Variants in TBX21 observed in about 807,000 individuals in gnomAD.
The protein encoded by TBX21 is T-box transcription factor TBX21.
TBX21 carries 11 observed loss-of-function variants against 52.2 expected under a neutral mutation model. That is an observed-to-expected ratio of 0.21 (90% CI 0.13 to 0.35). The LOEUF (loss-of-function observed/expected upper bound fraction) is 0.35, where lower values mean the gene tolerates loss of function less well. Among genes scored for constraint, TBX21 ranks in the 10% least tolerant of loss-of-function variants. TBX21 has a pLI of 1.00. For missense variants in TBX21, 625 were observed against 755.1 expected (o/e 0.83, Z 2.02); for synonymous variants, 300 against 316.1 (o/e 0.95, Z 0.54).
intron 1 of TBX21, among the ~76,000 whole-genome samples, chr17:47,737,568 A>G (rs544791515): frequency 6.6e-6 from 1 of 151,424 alleles, no homozygotes; most frequent in Non-Finnish European, 1.5e-5. Context: ...AATATTTTTC[A>G]TGGGCCAGGA....
intron 3 of TBX21, 91 bp downstream of exon 3, chr17:47,743,283 T>G (rs1167089186): frequency 2.0e-6 from 3 of 1,519,798 alleles, no homozygotes; most frequent in Non-Finnish European, 2.7e-6. Context: ...GGGGCCAGTT[T>G]GGTTCATTTT....
Position 47,733,632 on chromosome 17 carries a change from G to C in TBX21, c.178G>C (p.Gly60Arg), listed in dbSNP as rs2032167502. ...CGGCAGCCTGGGGTCTCCCTACCCGGGGGGCGCCTTGGTGCCCGCCCCGCC... is the reference window on the plus strand; with the variant it reads ...CGGCAGCCTGGGGTCTCCCTACCCGCGGGGCGCCTTGGTGCCCGCCCCGCC... ...GGGSLGSPYP[G>R]GALVPAPPSR... The change falls in exon 1 of 6, where the codon GGG becomes CGG. Residue 60 changes from glycine (G) to arginine (R), a missense_variant. By Grantham distance (125) the Gly-to-Arg change is moderately radical (BLOSUM62 -2). This residue lies in a region of TBX21 where 221 missense variants were observed against 204.9 expected (regional missense o/e 1.08). Coordinates refer to ENST00000177694, the MANE Select transcript of TBX21 (RefSeq NM_013351.2). This position sits in a 1 kb window ranked among gnomAD's most constrained non-coding sequence, Gnocchi z 6.6. 1 of 1,450,298 alleles carries C rather than the reference G, an allele frequency of 6.9e-7. No homozygotes were observed. Among genetic ancestry groups the C allele is most frequent in the Non-Finnish European group, 9.0e-7 (1 of 1,106,774 alleles). 89.8% of individuals were successfully genotyped at this position (1,450,298 alleles called of 1,614,324 possible).
intron 1 of TBX21, among the ~76,000 whole-genome samples, chr17:47,739,340 G>A (rs1219012715): frequency 6.6e-6 from 1 of 152,164 alleles, no homozygotes; most frequent in East Asian, 1.9e-4. Flanking sequence ...AACAGGATGA[G>A]CTGGGCATGG....
intron 1 of TBX21, among the ~76,000 whole-genome samples, chr17:47,736,145 T>TACATACAC (rs1343206901): frequency 6.8e-6 from 1 of 147,518 alleles, no homozygotes; most frequent in Non-Finnish European, 1.5e-5. Flanking sequence ...CTTGACAAGT[T>TACATACAC]TTTTTGTCCC....
At chr17:47,736,042 G>T (rs1264001088) in intron 1 of TBX21, among the ~76,000 whole-genome samples, 1 of 152,328 alleles carries the variant, frequency 6.6e-6, no homozygotes, top group East Asian at 1.9e-4. Context: ...GAGCACTTCA[G>T]GGAGGCACTT....
intron 1 of TBX21, among the ~76,000 whole-genome samples, chr17:47,736,036 A>G (rs2032203460): frequency 6.6e-6 from 1 of 152,158 alleles, no homozygotes. Flanking sequence ...GCTGTAGAGC[A>G]CTTCAGGGAG....
chr17:47,735,771 G>T (rs902504561), intron 1 of TBX21, among the ~76,000 whole-genome samples: 1 of 152,228 alleles, frequency 6.6e-6, no homozygotes, highest in African/African-American at 2.4e-5. Context: ...TCACTGAGTT[G>T]CAGGGTCAGC....
At chr17:47,734,577 GTGT>G (rs2032183193) in intron 1 of TBX21, among the ~76,000 whole-genome samples, 4 of 130,170 alleles carry the variant, frequency 3.1e-5, no homozygotes, top group Non-Finnish European at 6.6e-5. Flanking sequence ...GTGTGTGTGT[GTGT>G]GTGTGTGTGT....
chr17:47,744,376 TGG>T, intron 4 of TBX21, 23 bp downstream of exon 4: 1 of 1,613,962 alleles, frequency 6.2e-7, no homozygotes. Context: ...TGAGCCCCGG[TGG>T]GGAGGAGGGC....
In TBX21 at chr17:47,733,960, C is replaced by G. The variant is rs1260042416; in HGVS notation, c.491+15C>G. On this transcript the variant is annotated intron_variant, in intron 1 of 5. Transcript: ENST00000177694. The surrounding 1 kb of genome is among the most constrained non-coding windows in gnomAD (Gnocchi z 6.6). ...AAGCAGGGACGGTGAGTGCGGCGCG[C>G]CGGCCCTTGGGGCCTCTGTGCCCGC... 6.8e-6 allele frequency: 11 copies of G among 1,612,764 alleles called. No homozygotes were observed. The highest frequency in any genetic ancestry group is 8.5e-6 in the Non-Finnish European group (10 of 1,179,476).
At position 47,733,426 on chromosome 17, in the gene TBX21, G is replaced by A. The variant is rs1021638832; in HGVS notation, c.-29G>A. 6.8e-7 allele frequency: 1 copy of A among 1,463,496 alleles called. No homozygotes were observed. 90.7% of individuals were successfully genotyped at this position (1,463,496 alleles called of 1,614,324 possible). A position where few individuals can be genotyped will look rare whatever the true frequency, so the allele number is the denominator to read the frequency against. On this transcript the variant is annotated 5_prime_UTR_variant, in exon 1 of 6. Transcript: ENST00000177694. This position sits in a 1 kb window ranked among gnomAD's most constrained non-coding sequence, Gnocchi z 6.6. ...GCGCGCGGAGGGGCGGGTCCTCGAC[G>A]GCTACGGGAAGGTGCCAGCCCGCCC...
rs138637273 is a variant in TBX21, at chr17:47,739,049, C to T, written c.492-3561C>T. The stretch of plus-strand genomic sequence containing the variant: ...AGGTATGACGACCCTGTGAACCATC[C>T]CAAGGCTACTTAGTTCTTAGGGCCA... On this transcript the variant is annotated intron_variant, in intron 1 of 5. Coordinates refer to ENST00000177694, the MANE Select transcript of TBX21 (RefSeq NM_013351.2). Among the ~76,000 whole-genome samples, 870 of 152,022 alleles carry T rather than the reference C, an allele frequency of 5.7e-3. 9 individuals carry two copies. Among genetic ancestry groups the T allele is most frequent in the Non-Finnish European group, 7.7e-3 (522 of 67,984 alleles).
chr17:47,744,266 A>G lies in TBX21; in HGVS notation c.840A>G (p.Pro280=), dbSNP rs1307621960. The G allele has an allele frequency of 1.2e-6, 2 of 1,614,240 alleles. No homozygotes were observed. The highest frequency in any genetic ancestry group is 1.7e-6 in the Non-Finnish European group (2 of 1,180,048). ...TCGTTGAGGTGAACGACGGAGAGCC[A>G]GAGGCAGCCTGCAACGCTTCCAACA... ...LHIVEVNDGE[P]EAACNASNTH... is the part of the protein sequence containing the mutation. The change falls in exon 4 of 6, where the codon CCA becomes CCG. Residue 280 remains proline (P), a synonymous_variant. Coordinates refer to ENST00000177694, the MANE Select transcript of TBX21 (RefSeq NM_013351.2).
Position 47,742,701 on chromosome 17 carries a change from C to A in TBX21, c.583C>A (p.His195Asn), listed in dbSNP as rs1298469967. Residue 195 changes from histidine (H) to asparagine (N), a missense_variant, in exon 2 of 6, where the codon CAC becomes AAC. Coordinates refer to ENST00000177694, the MANE Select transcript of TBX21 (RefSeq NM_013351.2). The surrounding 1 kb of genome is among the most constrained non-coding windows in gnomAD (Gnocchi z 4.4). Reference protein sequence around the residue: ...MFVDVVLVDQHHWRYQSGKWV... With the variant: ...MFVDVVLVDQNHWRYQSGKWV... ...TGTGGACGTGGTCTTGGTGGACCAG[C>A]ACCACTGGCGGTACCAGAGCGGCAA... The A allele has an allele frequency of 3.1e-5, 50 of 1,594,828 alleles. No individual in the cohort carries two copies. Among genetic ancestry groups the A allele is most frequent in the Non-Finnish European group, 4.2e-5 (49 of 1,171,332 alleles).
chr17:47,738,372 T>C (rs2032231396), intron 1 of TBX21, among the ~76,000 whole-genome samples: 2 of 152,218 alleles, frequency 1.3e-5, no homozygotes, highest in African/African-American at 4.8e-5. Flanking sequence ...TTGCCCAGGC[T>C]GCAGCTTTGC....
chr17:47,741,210 G>A (rs1345294581), intron 1 of TBX21, among the ~76,000 whole-genome samples: 1 of 152,048 alleles, frequency 6.6e-6, no homozygotes, highest in Non-Finnish European at 1.5e-5. Flanking sequence ...TGTAGATGGT[G>A]GTGCCCGTGC....
chr17:47,745,269 C>T lies in TBX21; in HGVS notation c.1511C>T (p.Pro504Leu). 6.2e-7 allele frequency: 1 copy of T among 1,614,220 alleles called. No homozygotes were observed. Among genetic ancestry groups the T allele is most frequent in the Non-Finnish European group, 8.5e-7 (1 of 1,180,030 alleles). Residue 504 changes from proline (P) to leucine (L), a missense_variant, in exon 6 of 6, where the codon CCC (proline) becomes CTC (leucine). This residue lies in a region of TBX21 where 261 missense variants were observed against 275.1 expected (regional missense o/e 0.95). Coordinates refer to ENST00000177694, the MANE Select transcript of TBX21 (RefSeq NM_013351.2). ...EGDSKRRRVSPYPSSGDSSSP... is the reference protein window; with the variant it reads ...EGDSKRRRVSLYPSSGDSSSP... ...GACTCTAAGAGGAGGCGCGTGTCCCCCTATCCTTCCAGTGGTGACAGCTCC... is the reference window on the plus strand; with the variant it reads ...GACTCTAAGAGGAGGCGCGTGTCCCTCTATCCTTCCAGTGGTGACAGCTCC...
chr17:47,745,678 A>G lies in TBX21; in HGVS notation c.*312A>G, dbSNP rs761573139. 7 of 289,926 alleles carry G rather than the reference A, an allele frequency of 2.4e-5. No homozygotes were observed. The highest frequency in any genetic ancestry group is 4.5e-5 in the Non-Finnish European group (7 of 156,198). 18.0% of individuals were successfully genotyped at this position (289,926 alleles called of 1,614,324 possible). A position where few individuals can be genotyped will look rare whatever the true frequency, so the allele number is the denominator to read the frequency against. On this transcript the variant is annotated 3_prime_UTR_variant, in exon 6 of 6. Coordinates refer to ENST00000177694, the MANE Select transcript of TBX21 (RefSeq NM_013351.2). ...GACAAGAAAGTCTTGGGCATGAAGGAGCTTTTTGCATCTAGTGGGTGGGAG... is the reference window on the plus strand; with the variant it reads ...GACAAGAAAGTCTTGGGCATGAAGGGGCTTTTTGCATCTAGTGGGTGGGAG...
chr17:47,743,262 A>G, intron 3 of TBX21, 70 bp downstream of exon 3: 2 of 1,587,054 alleles, frequency 1.3e-6, no homozygotes, highest in Non-Finnish European at 1.7e-6. Context: ...CCAAGGCCAC[A>G]AGGGTCCTGC....
Sources: allele counts gnomAD v4.1 joint callset (sites outside exome capture counted in the v4.1 genomes callset), GRCh38; gene constraint gnomAD v4.1.1; regional missense constraint gnomAD v4.1.1; non-coding constraint Gnocchi (gnomAD v3.1); transcripts MANE v1.5; gene names NCBI Gene and HGNC (gene_info 2026-07-23, HGNC 2026-07-21).